PELI2: variants seen among roughly 807,000 people sequenced by gnomAD.
PELI2 encodes the protein pellino E3 ubiquitin protein ligase family member 2.
PELI2 carries 23 observed loss-of-function variants against 42.3 expected under a neutral mutation model. The ratio of observed to expected loss-of-function variants is 0.54; its 90% CI spans 0.39 to 0.77. The LOEUF (loss-of-function observed/expected upper bound fraction) is 0.77. Among genes scored for constraint, PELI2 ranks in the 30% least tolerant of loss-of-function variants. The pLI, the probability that PELI2 is intolerant of heterozygous loss-of-function variation, is 0.00. For synonymous variants in PELI2, 245 were observed against 212.2 expected, an observed-to-expected ratio of 1.15 and a Z score of -1.34; for missense variants, 463 against 553.2, an observed-to-expected ratio of 0.84 and a Z score of 1.64.
intron 2 of PELI2, among the ~76,000 whole-genome samples, chr14:56,260,759 G>C (rs1041119408): frequency 2.6e-5 from 4 of 152,176 alleles, no homozygotes; most frequent in African/African-American, 9.7e-5. Context: ...TTTTTCTGAA[G>C]TGACAAAAGT....
At chr14:56,142,160 TAAAAC>T (rs989013400) in intron 1 of PELI2, among the ~76,000 whole-genome samples, 2 of 152,182 alleles carry the variant, frequency 1.3e-5, no homozygotes, top group African/African-American at 2.4e-5. Context: ...CCTTTAAAGT[TAAAAC>T]AAACTCAAGG....
chr14:56,268,196 G>A (rs1888973864), intron 2 of PELI2, among the ~76,000 whole-genome samples: 1 of 152,124 alleles, frequency 6.6e-6, no homozygotes, highest in Admixed American at 6.6e-5. Context: ...TAGGCAAATC[G>A]AATTATTCAA....
chr14:56,144,275 A>G (rs1369469288), intron 1 of PELI2, among the ~76,000 whole-genome samples: 3 of 152,200 alleles, frequency 2.0e-5, no homozygotes, highest in Non-Finnish European at 2.9e-5. Flanking sequence ...TATTAAAAAG[A>G]TTTCTTGCAA....
intron 1 of PELI2, among the ~76,000 whole-genome samples, chr14:56,171,471 T>TC (rs1885165975): frequency 6.6e-6 from 1 of 152,232 alleles, no homozygotes; most frequent in Non-Finnish European, 1.5e-5. Context: ...TTACTGAGTC[T>TC]CAGGTATTCT....
chr14:56,261,321 T>C (rs2139836911), intron 2 of PELI2, among the ~76,000 whole-genome samples: 1 of 152,294 alleles, frequency 6.6e-6, no homozygotes, highest in African/African-American at 2.4e-5. Flanking sequence ...TTACGGCTTG[T>C]TTCTGTTCAT....
chr14:56,281,216 A>G (rs1594711410), intron 3 of PELI2, among the ~76,000 whole-genome samples: 1 of 152,278 alleles, frequency 6.6e-6, no homozygotes, highest in Non-Finnish European at 1.5e-5. Flanking sequence ...TTAACCAAAA[A>G]GTTGTTCATT....
At chr14:56,141,846 C>T (rs1387611643) in intron 1 of PELI2, among the ~76,000 whole-genome samples, 1 of 152,178 alleles carries the variant, frequency 6.6e-6, no homozygotes, top group South Asian at 2.1e-4. Context: ...TGAGCCAAAC[C>T]GTATCAGACC....
At chr14:56,240,057 TATTC>T (rs932047628) in intron 2 of PELI2, among the ~76,000 whole-genome samples, 1 of 152,148 alleles carries the variant, frequency 6.6e-6, no homozygotes, top group African/African-American at 2.4e-5. Context: ...TCCAGTCCCT[TATTC>T]ATTAAGATAT....
intron 2 of PELI2, among the ~76,000 whole-genome samples, chr14:56,241,935 GC>G (rs147597420): frequency 1.3e-3 from 203 of 152,272 alleles, no homozygotes; most frequent in African/African-American, 4.7e-3. Flanking sequence ...AAATGAGGGA[GC>G]AAAATAAAGA....
At chr14:56,269,155 A>G (rs963015348) in intron 2 of PELI2, among the ~76,000 whole-genome samples, 2 of 152,142 alleles carry the variant, frequency 1.3e-5, no homozygotes, top group Admixed American at 6.5e-5. Context: ...AAAAGAATTG[A>G]TTGGGTTAGG....
At chr14:56,124,968 C>T (rs1350430006) in intron 1 of PELI2, among the ~76,000 whole-genome samples, 1 of 152,154 alleles carries the variant, frequency 6.6e-6, no homozygotes, top group African/African-American at 2.4e-5. Context: ...GGACTTTACC[C>T]TAAGAGCACA....
chr14:56,285,006 T>A (rs573181458), intron 3 of PELI2, among the ~76,000 whole-genome samples: 7 of 152,316 alleles, frequency 4.6e-5, no homozygotes, highest in Admixed American at 3.9e-4. Context: ...CAGGCCAGGT[T>A]GAGTCTGAGA....
chr14:56,199,110 T>A (rs1396246904), intron 2 of PELI2, among the ~76,000 whole-genome samples: 1 of 152,208 alleles, frequency 6.6e-6, no homozygotes, highest in East Asian at 1.9e-4. Flanking sequence ...TCTTTCCCCC[T>A]TCCTCCTACA....
intron 2 of PELI2, among the ~76,000 whole-genome samples, chr14:56,221,519 T>C (rs1015574384): frequency 1.3e-5 from 2 of 152,184 alleles, no homozygotes; most frequent in South Asian, 4.1e-4. Flanking sequence ...AGATCCCAAA[T>C]TGGAAATGAG....
chr14:56,158,224 CATGGTGTTGGCCAGGCTGG>C (rs1412514249), intron 1 of PELI2, among the ~76,000 whole-genome samples: 3 of 152,002 alleles, frequency 2.0e-5, no homozygotes, highest in Non-Finnish European at 4.4e-5. Flanking sequence ...GACGGGGTTT[CATGGTGTTGGCCAGGCTGG>C]TCTCGAACAC....
intron 1 of PELI2, among the ~76,000 whole-genome samples, chr14:56,162,100 A>C (rs1395468972): frequency 6.6e-6 from 1 of 152,254 alleles, no homozygotes; most frequent in African/African-American, 2.4e-5. Context: ...CCATCCCCTC[A>C]AGCATGTGAG....
chr14:56,256,402 C>T (rs1270859525), intron 2 of PELI2, among the ~76,000 whole-genome samples: 2 of 151,936 alleles, frequency 1.3e-5, no homozygotes, highest in Non-Finnish European at 2.9e-5. Context: ...GCAGTGAGTT[C>T]TGATGGAACC....
Position 56,296,604 on chromosome 14 carries a change from A to G in PELI2, c.701A>G (p.Glu234Gly). The stretch of plus-strand genomic sequence containing the variant: ...TGTGTCTCAAACTTGTTGTAGGTGG[A>G]AAGTGAGACCAACGTCCTGCAGGAC... ...RSAQQRGKLV[E>G]SETNVLQDGS... Residue 234 changes from glutamate to glycine, a missense_variant, in exon 6 of 6, where the codon GAA (glutamate) becomes GGA (glycine). Coordinates refer to ENST00000267460, the MANE Select transcript of PELI2 (RefSeq NM_021255.3). 2 of 1,591,782 alleles carry G rather than the reference A, an allele frequency of 1.3e-6. No homozygotes were observed. The highest frequency in any genetic ancestry group is 1.7e-6 in the Non-Finnish European group (2 of 1,165,834).
chr14:56,165,428 T>G (rs1157669570), intron 1 of PELI2, among the ~76,000 whole-genome samples: 1 of 152,192 alleles, frequency 6.6e-6, no homozygotes, highest in Non-Finnish European at 1.5e-5. Flanking sequence ...TAAGACTTGT[T>G]TAACATTTGT....
Sources: allele counts gnomAD v4.1 joint callset (sites outside exome capture counted in the v4.1 genomes callset), GRCh38; gene constraint gnomAD v4.1.1; transcripts MANE v1.5; gene names NCBI Gene and HGNC (gene_info 2026-07-23, HGNC 2026-07-21).